Variants in SVIL observed in about 807,000 individuals in gnomAD.
SVIL encodes the protein supervillin, also known as archvillin.
SVIL carries 101 observed loss-of-function variants against 240.4 expected under a neutral mutation model. That is an observed-to-expected ratio of 0.42 (90% confidence interval 0.36 to 0.50). The LOEUF is 0.50. SVIL is among the 20% of genes least tolerant of loss of function. SVIL has a pLI of 0.01. For synonymous variants in SVIL, 999 were observed against 1,100.0 expected (o/e 0.91, Z 1.82); for missense variants, 2,512 against 2,818.7 (o/e 0.89, Z 2.46).
chr10:29,524,078 T>C, intron 14 of SVIL, 51 bp from the exon 15 acceptor site: 8 of 1,498,912 alleles, frequency 5.3e-6, no homozygotes, highest in Non-Finnish European at 7.2e-6. Context: ...ATATCATCTA[T>C]ATAAATCCTG....
intron 1 of SVIL, among the ~76,000 whole-genome samples, chr10:29,702,771 C>G (rs963056222): frequency 6.6e-6 from 1 of 152,184 alleles, no homozygotes; most frequent in Non-Finnish European, 1.5e-5. Context: ...CCTGTCCCCA[C>G]GCAGCTGTTC....
rs57479630 is a variant in SVIL at position 29,481,133 on chromosome 10, G to GGTGTGTGTGTGTGT, written c.5101-334_5101-321dup. On this transcript the variant is annotated intron_variant, in intron 28 of 37. Transcript: ENST00000355867. ...CCTGGGAAGGCTTCCTAGCTTTAAGGGTGTGTGTGTGTGTGTGTGTGTGTG... is the reference window on the plus strand; with the variant it reads ...CCTGGGAAGGCTTCCTAGCTTTAAGGGTGTGTGTGTGTGTGTGTGTGTGTGTGTGTGTGTGTGTG... Among the ~76,000 whole-genome samples, 695 of 141,366 alleles carry GGTGTGTGTGTGTGT rather than the reference G, an allele frequency of 4.9e-3. 2 individuals carry two copies. Among genetic ancestry groups the GGTGTGTGTGTGTGT allele is most frequent in the South Asian group, 0.013 (55 of 4,176 alleles). The allele number at this position is 141,366 out of a possible 152,430, so 92.7% of individuals were successfully genotyped here.
At chr10:29,642,867 G>A (rs1489867074) in intron 3 of SVIL, among the ~76,000 whole-genome samples, 1 of 152,116 alleles carries the variant, frequency 6.6e-6, no homozygotes, top group Non-Finnish European at 1.5e-5. Context: ...CGTATTTTTA[G>A]TAGAGACTGG....
intron 1 of SVIL, among the ~76,000 whole-genome samples, chr10:29,630,092 G>A (rs776701347): frequency 1.3e-5 from 2 of 152,138 alleles, no homozygotes; most frequent in Non-Finnish European, 2.9e-5. Flanking sequence ...TACTCTGACT[G>A]GTAAAATAGC....
chr10:29,717,232 CAAAAAAAAAAAA>C (rs71023503), intron 1 of SVIL, among the ~76,000 whole-genome samples: 24 of 38,296 alleles, frequency 6.3e-4, no homozygotes, highest in Middle Eastern at 0.056. Flanking sequence ...GACTCTCTCT[CAAAAAAAAAAAA>C]AAAAAAAAAA....
chr10:29,551,334 C>G, intron 5 of SVIL, 71 bp from the exon 6 acceptor site: 1 of 1,411,270 alleles, frequency 7.1e-7, no homozygotes, highest in Non-Finnish European at 9.5e-7. Context: ...CAGAATGACA[C>G]TCTACTGCAC....
At chr10:29,669,068 T>C (rs1161751021) in intron 2 of SVIL, among the ~76,000 whole-genome samples, 2 of 152,100 alleles carry the variant, frequency 1.3e-5, no homozygotes, top group African/African-American at 4.8e-5. Flanking sequence ...AATGGACAAA[T>C]ACATGTATTG....
chr10:29,623,743 C>T lies in SVIL; in HGVS notation c.-201+10677G>A, dbSNP rs181938178. The stretch of plus-strand genomic sequence containing the variant: ...GGCACGCGCCTGTAGTCCAGCTACT[C>T]GGGAGGCTGAGGCAGGAGAATGGCT... On this transcript the variant is annotated intron_variant, in intron 1 of 37. Coordinates refer to ENST00000355867, the MANE Select transcript of SVIL (RefSeq NM_021738.3). Among the ~76,000 whole-genome samples, 470 of 152,178 alleles carry T rather than the reference C, an allele frequency of 3.1e-3. 4 individuals carry two copies. The highest frequency in any genetic ancestry group is 0.011 in the African/African-American group (448 of 41,536).
chr10:29,554,772 T>A lies in SVIL; in HGVS notation c.160+11A>T, dbSNP rs746205181. 23 of 1,574,044 alleles carry A rather than the reference T, an allele frequency of 1.5e-5. No homozygotes were observed. The South Asian group carries it at 2.7e-4, about 19-fold the overall frequency. On this transcript the variant is annotated intron_variant, in intron 5 of 37. Coordinates refer to ENST00000355867, the MANE Select transcript of SVIL (RefSeq NM_021738.3). ...CCTGCTGGAAAATGGGCCACCCAGCTCCACGCTCACCGATGTGGGGGCTGG... is the reference window on the plus strand; with the variant it reads ...CCTGCTGGAAAATGGGCCACCCAGCACCACGCTCACCGATGTGGGGGCTGG...
intron 1 of SVIL, among the ~76,000 whole-genome samples, chr10:29,587,023 C>T (rs1286633539): frequency 6.6e-6 from 1 of 152,214 alleles, no homozygotes; most frequent in African/African-American, 2.4e-5. Context: ...CAAATCTGCA[C>T]ATGTACTCTT....
At chr10:29,562,360 T>C (rs1334062447) in intron 3 of SVIL, among the ~76,000 whole-genome samples, 1 of 152,242 alleles carries the variant, frequency 6.6e-6, no homozygotes, top group African/African-American at 2.4e-5. Context: ...GTGGAAATAG[T>C]AATTCACCAA....
chr10:29,572,775 A>AG (rs1955494828), intron 1 of SVIL, among the ~76,000 whole-genome samples: 1 of 151,200 alleles, frequency 6.6e-6, no homozygotes, highest in Non-Finnish European at 1.5e-5. Flanking sequence ...AAAAAAAAAA[A>AG]AAAAAAGAAA....
At chr10:29,696,476 T>C (rs1218007782) in intron 1 of SVIL, among the ~76,000 whole-genome samples, 1 of 149,736 alleles carries the variant, frequency 6.7e-6, no homozygotes, top group African/African-American at 2.5e-5. Context: ...GGAGCGTCTC[T>C]GCCCGGCTGC....
At chr10:29,589,382 C>T (rs548383523) in intron 1 of SVIL, among the ~76,000 whole-genome samples, 1 of 152,186 alleles carries the variant, frequency 6.6e-6, no homozygotes, top group African/African-American at 2.4e-5. Flanking sequence ...GGGAGGAGAG[C>T]GGCTCTGGGC....
intron 36 of SVIL, among the ~76,000 whole-genome samples, chr10:29,461,831 T>C (rs1211217398): frequency 6.6e-6 from 1 of 152,208 alleles, no homozygotes; most frequent in African/African-American, 2.4e-5. Flanking sequence ...AGCACCTCCA[T>C]TCATTCAGTT....
intron 1 of SVIL, among the ~76,000 whole-genome samples, chr10:29,606,437 A>G (rs1357129292): frequency 6.6e-6 from 1 of 152,188 alleles, no homozygotes; most frequent in African/African-American, 2.4e-5. Flanking sequence ...TTCAACTGCT[A>G]TCAAGGTTTT....
intron 22 of SVIL, among the ~76,000 whole-genome samples, chr10:29,489,275 G>C (rs777225644): frequency 2.0e-5 from 3 of 152,176 alleles, no homozygotes; most frequent in Non-Finnish European, 4.4e-5. Flanking sequence ...TCTGCTCTTA[G>C]AGTTAAGACT....
At position 29,588,701 on chromosome 10, in the gene SVIL, C is replaced by G. The variant is rs573258545; in HGVS notation, c.-200-19389G>C. 9.8e-4 allele frequency among the ~76,000 whole-genome samples: 149 copies of G among 152,336 alleles called. 2 individuals are homozygous for G. The South Asian group carries it at 0.03, about 31-fold the overall frequency. ...GGAAAGTGAAGCTTAGGAACCGAGT[C>G]ACACAAAAGCTGCCTGCCTTTTGTC... On this transcript the variant is annotated intron_variant, in intron 1 of 37. Transcript: ENST00000355867.
chr10:29,699,165 T>C (rs1312525114), intron 1 of SVIL, among the ~76,000 whole-genome samples: 2 of 152,218 alleles, frequency 1.3e-5, no homozygotes, highest in Non-Finnish European at 2.9e-5. Flanking sequence ...GGTCTTGCTC[T>C]GTTGCCCAGG....
Sources: allele counts gnomAD v4.1 joint callset (sites outside exome capture counted in the v4.1 genomes callset), GRCh38; gene constraint gnomAD v4.1.1; transcripts MANE v1.5; gene names NCBI Gene and HGNC (gene_info 2026-07-23, HGNC 2026-07-21).